The following MAP2K5 variants were observed in gnomAD, a reference collection of about 807,000 sequenced individuals.
The protein encoded by MAP2K5 is dual specificity mitogen-activated protein kinase kinase 5.
MAP2K5 carries 49 observed loss-of-function variants against 83.1 expected under a neutral mutation model. The ratio of observed to expected loss-of-function variants is 0.59; its 90% CI spans 0.47 to 0.75. The LOEUF (loss-of-function observed/expected upper bound fraction) is 0.75. Ranked by LOEUF, MAP2K5 falls within the 30% of genes least tolerant of loss-of-function variation. The pLI, the probability that MAP2K5 is intolerant of heterozygous loss-of-function variation, is 0.00. For synonymous variants in MAP2K5, 202 were observed against 191.8 expected (o/e 1.05, Z -0.44); for missense variants, 457 against 557.5 (o/e 0.82, Z 1.82).
rs182054841 is a variant in MAP2K5, at chr15:67,780,802, G to A, written c.1242+8050G>A. Among the ~76,000 whole-genome samples, 8 of 152,278 alleles carry A rather than the reference G, an allele frequency of 5.3e-5. No homozygotes were observed. The highest frequency in any genetic ancestry group is 3.9e-4 in the East Asian group (2 of 5,192). On this transcript the variant is annotated intron_variant, in intron 21 of 21. Coordinates refer to ENST00000178640, the MANE Select transcript of MAP2K5 (RefSeq NM_145160.3). The surrounding 1 kb of genome is among the most constrained non-coding windows in gnomAD (Gnocchi z 5.0). ...CAACCAGTATAGCATGAGGATTACC[G>A]TTCAGAACCAACACCAGGGTTTAGC...
At chr15:67,716,454 A>G (rs941473541) in intron 16 of MAP2K5, among the ~76,000 whole-genome samples, 1 of 152,252 alleles carries the variant, frequency 6.6e-6, no homozygotes, top group Non-Finnish European at 1.5e-5. Flanking sequence ...TTCTGGTGAC[A>G]TGTCTCAACA....
At chr15:67,591,780 T>C (rs16951043) in intron 6 of MAP2K5, among the ~76,000 whole-genome samples, 127,230 of 151,946 alleles carry the variant, frequency 0.84, 54,033 homozygotes, top group Middle Eastern at 0.93. Context: ...TAAAGCTAGA[T>C]GACTTAAGAG....
In MAP2K5 at chr15:67,563,808, C is replaced by T. The variant is rs777500940; in HGVS notation, c.252+458C>T. 1.2e-4 allele frequency among the ~76,000 whole-genome samples: 18 copies of T among 152,008 alleles called. 1 individual carries two copies. In the Middle Eastern group the frequency reaches 0.017, roughly 144 times the overall value. On this transcript the variant is annotated intron_variant, in intron 3 of 21. Transcript: ENST00000178640. The surrounding 1 kb of genome is among the most constrained non-coding windows in gnomAD (Gnocchi z 4.5). ...GTACTGTTGGTTATTTATGCACTAC[C>T]CATAATACTCCCACCGAAAATGAAC...
intron 9 of MAP2K5, chr15:67,641,421 T>A: frequency 3.4e-6 from 3 of 884,092 alleles, no homozygotes; most frequent in Middle Eastern, 1.2e-3. Context: ...ATTTGACCTG[T>A]GATTTTGCTC....
chr15:67,603,578 G>A (rs574662680), intron 8 of MAP2K5, among the ~76,000 whole-genome samples: 1 of 152,274 alleles, frequency 6.6e-6, no homozygotes, highest in African/African-American at 2.4e-5. Context: ...GGGCGGTGAA[G>A]ATACCAAATT....
intron 8 of MAP2K5, chr15:67,628,730 A>G (rs965111768): frequency 2.7e-5 from 21 of 780,154 alleles, no homozygotes; most frequent in Admixed American, 8.5e-5. Context: ...AGAGATGGCT[A>G]ATGCTTCAGC....
In MAP2K5 at chr15:67,677,028, G is replaced by A. The variant is rs2087700314; in HGVS notation, c.847+12383G>A. On this transcript the variant is annotated intron_variant, in intron 13 of 21. Coordinates refer to ENST00000178640, the MANE Select transcript of MAP2K5 (RefSeq NM_145160.3). The surrounding 1 kb of genome is among the most constrained non-coding windows in gnomAD (Gnocchi z 4.2). ...AGAAAAGAAGCAAGAGGTTAAATGA[G>A]AGGGAATAGTTAGAACGTTCCTCAC... Among the ~76,000 whole-genome samples, 1 of 152,198 alleles carries A rather than the reference G, an allele frequency of 6.6e-6. No individual in the cohort carries two copies. Among genetic ancestry groups the A allele is most frequent in the Admixed American group, 6.5e-5 (1 of 15,286 alleles).
At chr15:67,607,658 C>T (rs977066059) in intron 8 of MAP2K5, among the ~76,000 whole-genome samples, 1 of 152,150 alleles carries the variant, frequency 6.6e-6, no homozygotes, top group African/African-American at 2.4e-5. Context: ...CTAACCTTGG[C>T]TTAAGGGAAG....
At position 67,563,916 on chromosome 15, in the gene MAP2K5, C is replaced by A. The variant is rs891964454; in HGVS notation, c.252+566C>A. 2.6e-5 allele frequency among the ~76,000 whole-genome samples: 4 copies of A among 152,102 alleles called. No homozygotes were observed. The highest frequency in any genetic ancestry group is 9.7e-5 in the African/African-American group (4 of 41,408). ...TTGTGTTTAAAATTTTACTGAAAAT[C>A]TGCGTTAACAGTTATCTGATACTGA... On this transcript the variant is annotated intron_variant, in intron 3 of 21. Coordinates refer to ENST00000178640, the MANE Select transcript of MAP2K5 (RefSeq NM_145160.3). This position sits in a 1 kb window ranked among gnomAD's most constrained non-coding sequence, Gnocchi z 4.5.
At chr15:67,678,732 G>A (rs1229102307) in intron 13 of MAP2K5, among the ~76,000 whole-genome samples, 5 of 152,184 alleles carry the variant, frequency 3.3e-5, no homozygotes, top group Non-Finnish European at 5.9e-5. Context: ...TTGGGAAGCC[G>A]AGGCGGTAGG....
At chr15:67,703,545 A>G (rs543737131) in intron 16 of MAP2K5, 137 bp downstream of exon 16, 1 of 653,700 alleles carries the variant, frequency 1.5e-6, no homozygotes, top group Non-Finnish European at 2.6e-6. Flanking sequence ...TTGACCATAA[A>G]GTCTTTGATT....
Position 67,794,970 on chromosome 15 carries a change from C to T in MAP2K5, c.1243-11676C>T, listed in dbSNP as rs1011843474. Among the ~76,000 whole-genome samples the T allele has an allele frequency of 3.2e-4, 49 of 152,358 alleles. No individual in the cohort carries two copies. The highest frequency in any genetic ancestry group is 9.1e-4 in the African/African-American group (38 of 41,586). The stretch of plus-strand genomic sequence containing the variant: ...GACTCTGAAACCTCTGACGCCCCCG[C>T]GGTGGGTGATGTTTTGTCAGTGCTC... On this transcript the variant is annotated intron_variant, in intron 21 of 21. Coordinates refer to ENST00000178640, the MANE Select transcript of MAP2K5 (RefSeq NM_145160.3). The surrounding 1 kb of genome is among the most constrained non-coding windows in gnomAD (Gnocchi z 4.6).
rs79899657 is a variant in MAP2K5, at chr15:67,752,738, G to A, written c.1134+4137G>A. Among the ~76,000 whole-genome samples, 600 of 151,736 alleles carry A rather than the reference G, an allele frequency of 4.0e-3. 4 individuals are homozygous for A. The highest frequency in any genetic ancestry group is 0.014 in the African/African-American group (578 of 41,392). On this transcript the variant is annotated intron_variant, in intron 19 of 21. Coordinates refer to ENST00000178640, the MANE Select transcript of MAP2K5 (RefSeq NM_145160.3). ...AAGACATTTTGTGTTCATGAAGTGG[G>A]AGGCTTAATATTGTTACGATGGAAA... is the stretch of plus-strand genomic sequence containing the variant.
rs922818077 is a variant in MAP2K5 at position 67,640,517 on chromosome 15, A to C, written c.586-5714A>C. 8.1e-5 allele frequency: 75 copies of C among 920,300 alleles called. No individual in the cohort carries two copies. Among genetic ancestry groups the C allele is most frequent in the Admixed American group, 1.2e-4 (2 of 16,204 alleles). The allele number at this position is 920,300 out of a possible 1,614,324, so 57.0% of individuals were successfully genotyped here. A position where few individuals can be genotyped will look rare whatever the true frequency, so the allele number is the denominator to read the frequency against. ...GAAACGGGGCTGCCTGATGTCACAGAGGATTGTGAAGAGCAGCAAATCACA... is the reference window on the plus strand; with the variant it reads ...GAAACGGGGCTGCCTGATGTCACAGCGGATTGTGAAGAGCAGCAAATCACA... On this transcript the variant is annotated intron_variant, in intron 9 of 21. Coordinates refer to ENST00000178640, the MANE Select transcript of MAP2K5 (RefSeq NM_145160.3). This position sits in a 1 kb window ranked among gnomAD's most constrained non-coding sequence, Gnocchi z 4.6.
rs1279371209 is a variant in MAP2K5, at chr15:67,777,718, T to C, written c.1242+4966T>C. Among the ~76,000 whole-genome samples, 2 of 152,250 alleles carry C rather than the reference T, an allele frequency of 1.3e-5. No homozygotes were observed. The highest frequency in any genetic ancestry group is 4.8e-5 in the African/African-American group (2 of 41,470). Reference sequence around the variant, plus strand: ...GGCGAAGAAATTTTCTTTATGCTGTTACTATACTGCTTTAGTAATTGTTTA... The same window carrying C: ...GGCGAAGAAATTTTCTTTATGCTGTCACTATACTGCTTTAGTAATTGTTTA... On this transcript the variant is annotated intron_variant, in intron 21 of 21. Coordinates refer to ENST00000178640, the MANE Select transcript of MAP2K5 (RefSeq NM_145160.3). This position sits in a 1 kb window ranked among gnomAD's most constrained non-coding sequence, Gnocchi z 6.0.
chr15:67,791,629 G>A (rs1032600514), intron 21 of MAP2K5, among the ~76,000 whole-genome samples: 8 of 152,188 alleles, frequency 5.3e-5, no homozygotes, highest in Non-Finnish European at 1.0e-4. Context: ...CTGACATCCA[G>A]TGCAAATCCC....
chr15:67,720,361 CACTT>C lies in MAP2K5; in HGVS notation c.1045-7552_1045-7549del, dbSNP rs779793954. ...ATACATATATATCTATATATATACA[CACTT>C]ACACACACACAAGGAAAAAAAGAAA... On this transcript the variant is annotated intron_variant, in intron 16 of 21. Coordinates refer to ENST00000178640, the MANE Select transcript of MAP2K5 (RefSeq NM_145160.3). The surrounding 1 kb of genome is among the most constrained non-coding windows in gnomAD (Gnocchi z 5.7). 3.3e-5 allele frequency among the ~76,000 whole-genome samples: 5 copies of C among 151,910 alleles called. No individual in the cohort carries two copies. The highest frequency in any genetic ancestry group is 1.9e-4 in the East Asian group (1 of 5,202).
chr15:67,690,271 A>G lies in MAP2K5; in HGVS notation c.848-2208A>G, dbSNP rs2088070588. 6.6e-6 allele frequency among the ~76,000 whole-genome samples: 1 copy of G among 152,198 alleles called. No homozygotes were observed. The highest frequency in any genetic ancestry group is 2.4e-5 in the African/African-American group (1 of 41,452). Reference sequence around the variant, plus strand: ...ATTTGTTTCAGTTCAGCAAACATTTAAGTGTCTACTGTGGCTATGATGTGT... The same window carrying G: ...ATTTGTTTCAGTTCAGCAAACATTTGAGTGTCTACTGTGGCTATGATGTGT... On this transcript the variant is annotated intron_variant, in intron 13 of 21. Coordinates refer to ENST00000178640, the MANE Select transcript of MAP2K5 (RefSeq NM_145160.3). This position sits in a 1 kb window ranked among gnomAD's most constrained non-coding sequence, Gnocchi z 4.3.
Position 67,558,662 on chromosome 15 carries a change from A to G in MAP2K5, c.185-4621A>G, listed in dbSNP as rs866851838. ...CTCTGAACCCGTGTGTTTCTCCCCAAACCTCTCATTCTGTTCTAGCCACTC... is the reference window on the plus strand; with the variant it reads ...CTCTGAACCCGTGTGTTTCTCCCCAGACCTCTCATTCTGTTCTAGCCACTC... On this transcript the variant is annotated intron_variant, in intron 2 of 21. Transcript: ENST00000178640. Among the ~76,000 whole-genome samples the G allele has an allele frequency of 8.5e-5, 13 of 152,154 alleles. 1 individual carries two copies. The Middle Eastern group carries it at 0.037, about 438-fold the overall frequency.
Sources: allele counts gnomAD v4.1 joint callset (sites outside exome capture counted in the v4.1 genomes callset), GRCh38; gene constraint gnomAD v4.1.1; non-coding constraint Gnocchi (gnomAD v3.1); transcripts MANE v1.5; gene names NCBI Gene and HGNC (gene_info 2026-07-23, HGNC 2026-07-21).